STK4: variants seen among roughly 807,000 people sequenced by gnomAD.
STK4 encodes serine/threonine kinase 4, also known as serine/threonine-protein kinase 4.
STK4 carries 30 observed loss-of-function variants against 64.9 expected under a neutral mutation model. The observed-to-expected ratio is 0.46, with a 90% CI of 0.35 to 0.63. The LOEUF (loss-of-function observed/expected upper bound fraction) is 0.63, where lower values mean the gene tolerates loss of function less well. Ranked by LOEUF, STK4 falls within the 20% of genes least tolerant of loss-of-function variation. STK4 has a pLI of 0.01. For synonymous variants in STK4, 177 were observed against 199.0 expected, an observed-to-expected ratio of 0.89 and a Z score of 0.93; for missense variants, 466 against 598.5, an observed-to-expected ratio of 0.78 and a Z score of 2.31.
intron 6 of STK4, among the ~76,000 whole-genome samples, chr20:44,996,847 G>A (rs1299428084): frequency 1.3e-5 from 2 of 152,102 alleles, no homozygotes; most frequent in African/African-American, 4.8e-5. Context: ...TCTTTAGGAT[G>A]TAGATACTCT....
rs553185176 is a variant in STK4, at chr20:44,996,994, T to C, written c.694-175T>C. On this transcript the variant is annotated intron_variant, in intron 6 of 10. Transcript: ENST00000372806. ...AGAGGGAAAAGGAGAGAGGGAGATA[T>C]ATCAGGTTCTTTAACCATCAGATGC... 2.0e-5 allele frequency among the ~76,000 whole-genome samples: 3 copies of C among 152,192 alleles called. No homozygotes were observed. The East Asian group carries it at 5.8e-4, about 29-fold the overall frequency.
At chr20:45,046,025 A>G (rs1172097782) in intron 10 of STK4, among the ~76,000 whole-genome samples, 1 of 151,962 alleles carries the variant, frequency 6.6e-6, no homozygotes, top group Non-Finnish European at 1.5e-5. Flanking sequence ...CGGGCCAGTC[A>G]CAAACTCCTG....
intron 9 of STK4, among the ~76,000 whole-genome samples, 156 bp downstream of exon 9, chr20:45,001,509 G>A (rs577628208): frequency 1.7e-3 from 253 of 152,326 alleles, no homozygotes; most frequent in Non-Finnish European, 2.8e-3. Context: ...GGGACAGGAG[G>A]TTTGGTGAGG....
chr20:44,970,113 C>G (rs534167610), intron 1 of STK4, among the ~76,000 whole-genome samples: 1 of 151,898 alleles, frequency 6.6e-6, no homozygotes, highest in Non-Finnish European at 1.5e-5. Context: ...AAGATGTATT[C>G]GAGCCGTCAT....
intron 1 of STK4, among the ~76,000 whole-genome samples, chr20:44,968,810 A>G (rs893730186): frequency 6.6e-6 from 1 of 152,232 alleles, no homozygotes; most frequent in Non-Finnish European, 1.5e-5. Context: ...TTCCCAGCTC[A>G]TTGTAACTAG....
intron 10 of STK4, among the ~76,000 whole-genome samples, chr20:45,067,374 A>C (rs188957621): frequency 4.5e-4 from 69 of 152,332 alleles, no homozygotes; most frequent in Non-Finnish European, 6.3e-4. Context: ...GTGACTGTTC[A>C]TATATGATAC....
intron 10 of STK4, among the ~76,000 whole-genome samples, chr20:45,061,783 ATTG>A (rs1245712488): frequency 6.7e-6 from 1 of 149,140 alleles, no homozygotes; most frequent in Non-Finnish European, 1.5e-5. Context: ...CTCAGTGTCT[ATTG>A]TTCACCTGTA....
chr20:45,046,674 T>A (rs1020845878), intron 10 of STK4, among the ~76,000 whole-genome samples: 61 of 151,488 alleles, frequency 4.0e-4, no homozygotes, highest in African/African-American at 7.8e-4. Flanking sequence ...TTTTTTTTTT[T>A]AAATTTATTT....
chr20:45,073,259 AT>A (rs145436509), intron 10 of STK4, among the ~76,000 whole-genome samples: 7 of 149,030 alleles, frequency 4.7e-5, no homozygotes, highest in Non-Finnish European at 7.5e-5. Flanking sequence ...GGAAAGATGC[AT>A]TTTTTTTTTC....
intron 10 of STK4, among the ~76,000 whole-genome samples, chr20:45,031,055 C>T (rs2068434569): frequency 6.6e-6 from 1 of 152,016 alleles, no homozygotes; most frequent in Non-Finnish European, 1.5e-5. Flanking sequence ...AAAAGATGGC[C>T]CAAGTGCCAA....
At chr20:45,048,277 A>T (rs1278541021) in intron 10 of STK4, among the ~76,000 whole-genome samples, 1 of 152,204 alleles carries the variant, frequency 6.6e-6, no homozygotes, top group Non-Finnish European at 1.5e-5. Flanking sequence ...AGTTATTGAG[A>T]AGATTAATTT....
At chr20:44,987,836 A>G (rs745698831) in intron 5 of STK4, among the ~76,000 whole-genome samples, 3 of 152,136 alleles carry the variant, frequency 2.0e-5, no homozygotes, top group Non-Finnish European at 4.4e-5. Context: ...ATATGAAAGT[A>G]TATATAGAAA....
At chr20:45,053,213 A>G (rs770649612) in intron 10 of STK4, 15 of 1,530,326 alleles carry the variant, frequency 9.8e-6, no homozygotes, top group Non-Finnish European at 1.4e-5. Context: ...TCAGAACCAC[A>G]GTAGCCTGGT....
chr20:45,067,199 A>G (rs1979649206), intron 10 of STK4, among the ~76,000 whole-genome samples: 1 of 151,984 alleles, frequency 6.6e-6, no homozygotes, highest in South Asian at 2.1e-4. Context: ...TCAACTTTTT[A>G]GCTTCTATCG....
At chr20:44,992,883 A>C (rs1310369773) in intron 5 of STK4, among the ~76,000 whole-genome samples, 2 of 151,834 alleles carry the variant, frequency 1.3e-5, no homozygotes, top group Non-Finnish European at 2.9e-5. Flanking sequence ...TTTAGTAGAG[A>C]CGGGATTTCG....
chr20:44,995,643 CTTGT>C (rs967060708), intron 6 of STK4, among the ~76,000 whole-genome samples: 1 of 143,614 alleles, frequency 7.0e-6, no homozygotes, highest in Non-Finnish European at 1.5e-5. Context: ...CAATGGCTTA[CTTGT>C]TTAAGTTGCA....
In STK4 at chr20:45,039,221, A is replaced by C. The variant is rs371382888; in HGVS notation, c.1305+14091A>C. 5.3e-5 allele frequency among the ~76,000 whole-genome samples: 8 copies of C among 152,234 alleles called. 1 individual carries two copies. Among genetic ancestry groups the C allele is most frequent in the East Asian group, 1.9e-4 (1 of 5,192 alleles). On this transcript the variant is annotated intron_variant, in intron 10 of 10. Transcript: ENST00000372806. Reference sequence around the variant, plus strand: ...AATTTTGAGTGGAACTTTTACTCACACATGATTTTGTAACATCACGCATTG... The same window carrying C: ...AATTTTGAGTGGAACTTTTACTCACCCATGATTTTGTAACATCACGCATTG...
chr20:45,068,532 C>T (rs769164419), intron 10 of STK4, among the ~76,000 whole-genome samples: 2 of 152,118 alleles, frequency 1.3e-5, no homozygotes, highest in East Asian at 1.9e-4. Context: ...TAAAGTCACC[C>T]GTTACCACTA....
At position 45,075,271 on chromosome 20, in the gene STK4, T is replaced by A. The variant is rs1355836844; in HGVS notation, c.*95T>A. 1.3e-6 allele frequency: 2 copies of A among 1,489,454 alleles called. No homozygotes were observed. Among genetic ancestry groups the A allele is most frequent in the Non-Finnish European group, 1.8e-6 (2 of 1,109,806 alleles). The allele number at this position is 1,489,454 out of a possible 1,614,324, so 92.3% of individuals were successfully genotyped here. A position where few individuals can be genotyped will look rare whatever the true frequency, so the allele number is the denominator to read the frequency against. ...TTTGTTAGCCAGCACTTCTGCTCTGTCGTCTCTCCACAGCACCTTTGTGAA... is the reference window on the plus strand; with the variant it reads ...TTTGTTAGCCAGCACTTCTGCTCTGACGTCTCTCCACAGCACCTTTGTGAA... On this transcript the variant is annotated 3_prime_UTR_variant, in exon 11 of 11. Transcript: ENST00000372806.
Sources: allele counts gnomAD v4.1 joint callset (sites outside exome capture counted in the v4.1 genomes callset), GRCh38; gene constraint gnomAD v4.1.1; transcripts MANE v1.5; gene names NCBI Gene and HGNC (gene_info 2026-07-23, HGNC 2026-07-21).